DARS1: variants seen among roughly 807,000 people sequenced by gnomAD.
The protein encoded by DARS1 is aspartyl-tRNA synthetase 1, also known as aspartate--tRNA ligase, cytoplasmic.
Under a neutral mutation model 68.8 loss-of-function variants are expected in DARS1, and 51 were observed. The observed-to-expected ratio is 0.74, with a 90% CI of 0.59 to 0.94. The LOEUF is 0.94. Among genes scored for constraint, DARS1 ranks in the 40% least tolerant of loss-of-function variants. The pLI is 0.00. For missense variants in DARS1, 607 were observed against 597.3 expected, an observed-to-expected ratio of 1.02 and a Z score of -0.17; for synonymous variants, 203 against 190.4, an observed-to-expected ratio of 1.07 and a Z score of -0.55.
intron 10 of DARS1, among the ~76,000 whole-genome samples, chr2:135,918,299 T>G (rs1363533976): frequency 6.6e-6 from 1 of 152,206 alleles, no homozygotes; most frequent in Non-Finnish European, 1.5e-5. Flanking sequence ...AGTACAAAAA[T>G]ATGACTATCA....
chr2:135,972,889 A>G (rs1682410333), intron 3 of DARS1, among the ~76,000 whole-genome samples: 2 of 152,210 alleles, frequency 1.3e-5, no homozygotes, highest in Non-Finnish European at 2.9e-5. Flanking sequence ...ATCTCCTTTC[A>G]GTTAAAAAGG....
At chr2:135,947,951 T>A (rs1681763513) in intron 4 of DARS1, among the ~76,000 whole-genome samples, 1 of 152,204 alleles carries the variant, frequency 6.6e-6, no homozygotes, top group Non-Finnish European at 1.5e-5. Flanking sequence ...TTTGCTGTTG[T>A]TGCCAACCTT....
intron 3 of DARS1, among the ~76,000 whole-genome samples, chr2:135,968,739 G>A (rs1361423220): frequency 6.8e-6 from 1 of 146,712 alleles, no homozygotes; most frequent in African/African-American, 2.5e-5. Flanking sequence ...TCAGCTCACT[G>A]CAACCTCCGC....
intron 4 of DARS1, among the ~76,000 whole-genome samples, chr2:135,958,799 A>G (rs772072194): frequency 6.6e-6 from 1 of 152,200 alleles, no homozygotes; most frequent in Non-Finnish European, 1.5e-5. Context: ...AAGTTTAATA[A>G]TAGTTATCTA....
intron 4 of DARS1, among the ~76,000 whole-genome samples, chr2:135,947,408 A>G (rs1681748958): frequency 6.7e-6 from 1 of 149,924 alleles, no homozygotes; most frequent in Non-Finnish European, 1.5e-5. Flanking sequence ...ACTCCATCTC[A>G]GAAAAAAAAA....
chr2:135,977,186 T>C (rs1322265488), intron 3 of DARS1, among the ~76,000 whole-genome samples: 2 of 152,220 alleles, frequency 1.3e-5, no homozygotes, highest in African/African-American at 2.4e-5. Context: ...TAGAGCTAAA[T>C]ACTTTATAAA....
intron 3 of DARS1, among the ~76,000 whole-genome samples, chr2:135,972,281 A>G (rs933622988): frequency 6.6e-6 from 1 of 152,242 alleles, no homozygotes; most frequent in African/African-American, 2.4e-5. Flanking sequence ...AGATCCACAC[A>G]TCTACAGTAA....
intron 5 of DARS1, among the ~76,000 whole-genome samples, chr2:135,939,062 A>C (rs1478099931): frequency 1.3e-5 from 2 of 152,198 alleles, no homozygotes; most frequent in African/African-American, 4.8e-5. Context: ...TAATAATGGG[A>C]GACTTTAACA....
intron 4 of DARS1, among the ~76,000 whole-genome samples, chr2:135,945,418 G>A (rs943013933): frequency 6.6e-6 from 1 of 152,134 alleles, no homozygotes; most frequent in African/African-American, 2.4e-5. Context: ...ATGAGCCATC[G>A]CGCCCGGCCC....
At chr2:135,917,116 G>A (rs938987186) in intron 10 of DARS1, among the ~76,000 whole-genome samples, 16 of 152,006 alleles carry the variant, frequency 1.1e-4, no homozygotes, top group South Asian at 4.1e-4. Flanking sequence ...AGCCAAGATC[G>A]GCCATTGCCC....
intron 4 of DARS1, among the ~76,000 whole-genome samples, chr2:135,948,636 G>A (rs186127555): frequency 7.2e-5 from 11 of 152,196 alleles, no homozygotes; most frequent in East Asian, 1.9e-4. Context: ...AGGCCAGGGC[G>A]GGTGGATCAC....
chr2:135,941,707 T>C (rs1308607528), intron 5 of DARS1, among the ~76,000 whole-genome samples: 1 of 151,386 alleles, frequency 6.6e-6, no homozygotes, highest in Non-Finnish European at 1.5e-5. Context: ...GAAACTACCA[T>C]CAGAGTGAAC....
At chr2:135,947,642 T>TA (rs1176988076) in intron 4 of DARS1, among the ~76,000 whole-genome samples, 1 of 151,960 alleles carries the variant, frequency 6.6e-6, no homozygotes, top group Non-Finnish European at 1.5e-5. Flanking sequence ...GTTAAGTAAT[T>TA]AGACTACCAT....
chr2:135,984,392 T>C lies in DARS1; in HGVS notation c.67-938A>G, dbSNP rs527254008. ...AATTAAGTTTCTGTCACTTTACAGCTACCTGTTGGAATCCTCTCCTTTAGA... is the reference window on the plus strand; with the variant it reads ...AATTAAGTTTCTGTCACTTTACAGCCACCTGTTGGAATCCTCTCCTTTAGA... On this transcript the variant is annotated intron_variant, in intron 1 of 15. Transcript: ENST00000264161. Among the ~76,000 whole-genome samples the C allele has an allele frequency of 2.0e-4, 31 of 152,352 alleles. 1 individual carries two copies. The South Asian group carries it at 5.8e-3, about 29-fold the overall frequency.
chr2:135,955,320 AAAT>A (rs1346806292), intron 4 of DARS1, among the ~76,000 whole-genome samples: 1 of 152,154 alleles, frequency 6.6e-6, no homozygotes, highest in Non-Finnish European at 1.5e-5. Context: ...TGGTTGTCAG[AAAT>A]AATGTGTTAA....
At chr2:135,908,026 A>G (rs1558774199) in intron 15 of DARS1, among the ~76,000 whole-genome samples, 2 of 152,220 alleles carry the variant, frequency 1.3e-5, no homozygotes, top group African/African-American at 4.8e-5. Context: ...ATAGGAAACA[A>G]GTTACAAGAT....
At chr2:135,934,879 C>T (rs1681433393) in intron 5 of DARS1, among the ~76,000 whole-genome samples, 1 of 150,512 alleles carries the variant, frequency 6.6e-6, no homozygotes, top group Admixed American at 6.6e-5. Context: ...ACTGCAACCT[C>T]TGTCTCCCGG....
At position 135,956,579 on chromosome 2, in the gene DARS1, G is replaced by A. The variant is rs532181540; in HGVS notation, c.320+4817C>T. Among the ~76,000 whole-genome samples, 16 of 152,176 alleles carry A rather than the reference G, an allele frequency of 1.1e-4. No homozygotes were observed. In the South Asian group the frequency reaches 1.5e-3, roughly 14 times the overall value. On this transcript the variant is annotated intron_variant, in intron 4 of 15. Transcript: ENST00000264161. The stretch of plus-strand genomic sequence containing the variant: ...GGCATAAACATGAAGTAAAAAAGTC[G>A]AGGCTTACCGGAGCAGAAAGTTCTT...
In DARS1 at chr2:135,943,428, G is replaced by C. The variant is rs1320204336; in HGVS notation, c.373C>G (p.Gln125Glu). 6.2e-7 allele frequency: 1 copy of C among 1,613,526 alleles called. No homozygotes were observed. ...TGCTGTGTACAGCTTCCAATTTTCT[G>C]ATTCACTTTTCTCACAACACCTTCT... ...DVEGVVRKVNQKIGSCTQQDV... is the reference protein window; with the variant it reads ...DVEGVVRKVNEKIGSCTQQDV... Residue 125 changes from glutamine to glutamate, a missense_variant, in exon 5 of 16, where the codon CAG (glutamine) becomes GAG (glutamate). Coordinates refer to ENST00000264161, the MANE Select transcript of DARS1 (RefSeq NM_001349.4).
Sources: allele counts gnomAD v4.1 joint callset (sites outside exome capture counted in the v4.1 genomes callset), GRCh38; gene constraint gnomAD v4.1.1; transcripts MANE v1.5; gene names NCBI Gene and HGNC (gene_info 2026-07-23, HGNC 2026-07-21).